Variants in TGFA observed in about 807,000 individuals in gnomAD.
The protein encoded by TGFA is transforming growth factor alpha.
TGFA carries 12 observed loss-of-function variants against 21.7 expected under a neutral mutation model. The ratio of observed to expected loss-of-function variants is 0.55; its 90% confidence interval spans 0.35 to 0.90. The LOEUF is 0.90. TGFA is among the 40% of genes least tolerant of loss of function. The pLI, the probability that TGFA is intolerant of heterozygous loss-of-function variation, is 0.01. For missense variants in TGFA, 178 were observed against 210.8 expected, an observed-to-expected ratio of 0.84 and a Z score of 0.96; for synonymous variants, 79 against 88.1, an observed-to-expected ratio of 0.90 and a Z score of 0.58.
intron 1 of TGFA, among the ~76,000 whole-genome samples, chr2:70,539,376 C>A (rs1673066386): frequency 7.0e-6 from 1 of 142,918 alleles, no homozygotes; most frequent in Non-Finnish European, 1.5e-5. Flanking sequence ...GGGAACACAG[C>A]CTGAAGCAAT....
intron 1 of TGFA, among the ~76,000 whole-genome samples, chr2:70,547,663 ATACT>A (rs1177249769): frequency 6.7e-6 from 1 of 149,150 alleles, no homozygotes; most frequent in African/African-American, 2.4e-5. Flanking sequence ...TAAAGAATAG[ATACT>A]TACACTATCT....
intron 1 of TGFA, among the ~76,000 whole-genome samples, chr2:70,521,617 G>GTTTGT (rs1553502301): frequency 3.4e-5 from 3 of 87,096 alleles, no homozygotes; most frequent in African/African-American, 9.1e-5. Flanking sequence ...TTGTTTGTTT[G>GTTTGT]TTTTTTTTTT....
At position 70,550,802 on chromosome 2, in the gene TGFA, CAG is replaced by C. The variant is rs1673477455; in HGVS notation, c.40+2924_40+2925del. Among the ~76,000 whole-genome samples, 3 of 152,302 alleles carry C rather than the reference CAG, an allele frequency of 2.0e-5. No individual in the cohort carries two copies. In the South Asian group the frequency reaches 6.2e-4, roughly 32 times the overall value. Reference sequence around the variant, plus strand: ...CGCCACTGCACTCCAGCCTGGGAGACAGAGCGAGACTCCGTCTCAAAAAACAA... The same window carrying C: ...CGCCACTGCACTCCAGCCTGGGAGACAGCGAGACTCCGTCTCAAAAAACAA... On this transcript the variant is annotated intron_variant, in intron 1 of 5. Transcript: ENST00000295400.
chr2:70,504,142 G>A (rs957116957), intron 2 of TGFA, among the ~76,000 whole-genome samples: 35 of 152,058 alleles, frequency 2.3e-4, no homozygotes, highest in African/African-American at 6.5e-4. Context: ...GGCTGGGCAC[G>A]GGGACTCATG....
At chr2:70,512,339 C>T (rs1178352361) in intron 2 of TGFA, among the ~76,000 whole-genome samples, 8 of 152,156 alleles carry the variant, frequency 5.3e-5, no homozygotes, top group African/African-American at 1.9e-4. Flanking sequence ...CAGAGAGCAA[C>T]AGAGAGGGCA....
chr2:70,541,238 AAG>A (rs1553505157), intron 1 of TGFA, among the ~76,000 whole-genome samples: 2 of 152,260 alleles, frequency 1.3e-5, no homozygotes, highest in African/African-American at 4.8e-5. Context: ...AATAAGTGAT[AAG>A]AGTTGTATAA....
chr2:70,520,785 C>G (rs1672425152), intron 1 of TGFA, among the ~76,000 whole-genome samples: 1 of 152,128 alleles, frequency 6.6e-6, no homozygotes, highest in Admixed American at 6.5e-5. Context: ...TCCCCTGCTT[C>G]CATGCCCAAA....
At chr2:70,494,197 A>T (rs1671512814) in intron 2 of TGFA, among the ~76,000 whole-genome samples, 1 of 151,944 alleles carries the variant, frequency 6.6e-6, no homozygotes, top group African/African-American at 2.4e-5. Flanking sequence ...ACCTCTTCCC[A>T]TCCTCTTATA....
At chr2:70,472,197 G>T (rs1231175386) in intron 2 of TGFA, among the ~76,000 whole-genome samples, 4 of 152,176 alleles carry the variant, frequency 2.6e-5, no homozygotes, top group Non-Finnish European at 5.9e-5. Flanking sequence ...CCCAAGATGT[G>T]CCAGCTGAGG....
At chr2:70,508,172 T>C (rs1368253366) in intron 2 of TGFA, among the ~76,000 whole-genome samples, 1 of 152,314 alleles carries the variant, frequency 6.6e-6, no homozygotes, top group Non-Finnish European at 1.5e-5. Flanking sequence ...GGGCTGGGCA[T>C]GGTGGCTCAT....
intron 1 of TGFA, among the ~76,000 whole-genome samples, chr2:70,530,746 C>T (rs1553503637): frequency 6.6e-6 from 1 of 152,214 alleles, no homozygotes; most frequent in Non-Finnish European, 1.5e-5. Context: ...CAGCACAGAC[C>T]TCAGCAATAC....
chr2:70,518,896 C>T (rs1156122), intron 1 of TGFA, among the ~76,000 whole-genome samples: 8,389 of 152,296 alleles, frequency 0.055, 778 homozygotes, highest in African/African-American at 0.19. Flanking sequence ...CAGTTGCTCC[C>T]TCTAGAATAT....
intron 2 of TGFA, among the ~76,000 whole-genome samples, 165 bp from the exon 3 acceptor site, chr2:70,465,901 G>C (rs1042561997): frequency 4.6e-5 from 7 of 152,182 alleles, no homozygotes; most frequent in African/African-American, 1.4e-4. Context: ...TAAAGCCTAA[G>C]ACAGGCCTAG....
intron 2 of TGFA, among the ~76,000 whole-genome samples, chr2:70,495,688 AT>A (rs1671552895): frequency 6.6e-6 from 1 of 152,106 alleles, no homozygotes. Flanking sequence ...TATATTTTTT[AT>A]TGTTACTATG....
intron 1 of TGFA, among the ~76,000 whole-genome samples, chr2:70,540,485 CA>C (rs1673103079): frequency 1.3e-5 from 2 of 152,084 alleles, no homozygotes; most frequent in Non-Finnish European, 2.9e-5. Context: ...CATTATTTGA[CA>C]AAAAGGCAAG....
At chr2:70,470,885 C>T (rs1272580269) in intron 2 of TGFA, among the ~76,000 whole-genome samples, 5 of 152,154 alleles carry the variant, frequency 3.3e-5, no homozygotes, top group Non-Finnish European at 7.4e-5. Context: ...AACCATGATA[C>T]ATTCACTCTT....
chr2:70,508,588 T>A (rs1383455818), intron 2 of TGFA, among the ~76,000 whole-genome samples: 1 of 152,200 alleles, frequency 6.6e-6, no homozygotes, highest in Non-Finnish European at 1.5e-5. Flanking sequence ...GTGATATGGG[T>A]GTAATTCATG....
intron 2 of TGFA, among the ~76,000 whole-genome samples, chr2:70,470,147 G>C (rs1670694216): frequency 6.6e-6 from 1 of 151,876 alleles, no homozygotes; most frequent in Admixed American, 6.6e-5. Context: ...GGGGTTATGA[G>C]AGCGATAAGA....
Position 70,450,783 on chromosome 2 carries a change from G to A in TGFA, c.*76C>T. On this transcript the variant is annotated 3_prime_UTR_variant, in exon 6 of 6. Transcript: ENST00000295400. ...GTCTGTGGCACACCCAGGCATCTCT[G>A]GCAGTGCTGTCCTGAAGAAGCCTTT... is the stretch of plus-strand genomic sequence containing the variant. The A allele has an allele frequency of 6.5e-7, 1 of 1,538,182 alleles. No homozygotes were observed.
Sources: allele counts gnomAD v4.1 joint callset (sites outside exome capture counted in the v4.1 genomes callset), GRCh38; gene constraint gnomAD v4.1.1; transcripts MANE v1.5; gene names NCBI Gene and HGNC (gene_info 2026-07-23, HGNC 2026-07-21).